The following TMEM141 variants were observed in gnomAD, a reference collection of about 807,000 sequenced individuals.
The protein encoded by TMEM141 is transmembrane protein 141.
A neutral mutation model predicts 15.9 loss-of-function variants in TMEM141; 18 were observed. That is an observed-to-expected ratio of 1.13 (90% CI 0.78 to 1.68). The LOEUF (loss-of-function observed/expected upper bound fraction) is 1.68, where lower values mean the gene tolerates loss of function less well. TMEM141 is among the 40% of genes most tolerant of loss of function. The pLI is 0.00. For synonymous variants in TMEM141, 69 were observed against 54.0 expected, an observed-to-expected ratio of 1.28 and a Z score of -1.22; for missense variants, 161 against 139.5, an observed-to-expected ratio of 1.15 and a Z score of -0.78.
chr9:136,791,394 G>A lies in TMEM141; in HGVS notation c.24G>A (p.Arg8=). Residue 8 remains arginine, a synonymous_variant, in exon 1 of 5, where the codon CGG becomes CGA. Transcript: ENST00000290079. The part of the protein sequence containing the change: MVNLGLS[R]VDDAVAAKHP... Reference sequence around the variant, plus strand: ...CCATGGTGAACTTGGGTCTGTCCCGGGTGGACGACGCCGTGGCTGCCAAGC... The same window carrying A: ...CCATGGTGAACTTGGGTCTGTCCCGAGTGGACGACGCCGTGGCTGCCAAGC... 1.3e-6 allele frequency: 2 copies of A among 1,560,678 alleles called. No homozygotes were observed. The highest frequency in any genetic ancestry group is 1.7e-6 in the Non-Finnish European group (2 of 1,152,746).
chr9:136,793,126 C>T lies in TMEM141; in HGVS notation c.*294C>T. 3.8e-6 allele frequency: 1 copy of T among 261,092 alleles called. No individual in the cohort carries two copies. The highest frequency in any genetic ancestry group is 7.2e-6 in the Non-Finnish European group (1 of 138,678). The allele number at this position is 261,092 out of a possible 1,614,324, so 16.2% of individuals were successfully genotyped here. ...GAGAGGGTGTGTCTGGGGGCCACCA[C>T]CTATGGGACACGGGGTCGAAGGGGC... On this transcript the variant is annotated 3_prime_UTR_variant, in exon 5 of 5. Transcript: ENST00000290079.
In TMEM141 at chr9:136,793,130, T is replaced by G. The variant is rs1310812397; in HGVS notation, c.*298T>G. On this transcript the variant is annotated 3_prime_UTR_variant, in exon 5 of 5. Coordinates refer to ENST00000290079, the MANE Select transcript of TMEM141 (RefSeq NM_032928.4). ...GGGTGTGTCTGGGGGCCACCACCTA[T>G]GGGACACGGGGTCGAAGGGGCCTGT... 2 of 252,648 alleles carry G rather than the reference T, an allele frequency of 7.9e-6. No homozygotes were observed. The highest frequency in any genetic ancestry group is 1.5e-5 in the Non-Finnish European group (2 of 133,134). 15.7% of individuals were successfully genotyped at this position (252,648 alleles called of 1,614,324 possible).
In TMEM141 at chr9:136,791,711, G is replaced by A. The variant is rs777091059; in HGVS notation, c.55G>A (p.Gly19Arg). ...VDDAVAAKHP[G>R]LGEYAACQSH... ...CCTTCACCCGCCTCTGCCACCCCAG[G>A]GACTCGGGGAGTATGCCGCATGCCA... Residue 19 changes from glycine (G) to arginine (R), a missense_variant and splice_region_variant, in exon 2 of 5, where the codon GGA becomes AGA. By Grantham distance (125) the Gly-to-Arg change is moderately radical. Coordinates refer to ENST00000290079, the MANE Select transcript of TMEM141 (RefSeq NM_032928.4). 1 of 1,613,096 alleles carries A rather than the reference G, an allele frequency of 6.2e-7. No individual in the cohort carries two copies. Among genetic ancestry groups the A allele is most frequent in the South Asian group, 1.1e-5 (1 of 91,070 alleles).
chr9:136,791,599 A>G (rs1847590431), intron 1 of TMEM141, 112 bp from the exon 2 acceptor site: 5 of 1,568,206 alleles, frequency 3.2e-6, no homozygotes, highest in East Asian at 4.5e-5. Flanking sequence ...GACGTGTCCA[A>G]GCGCCCAGGG....
At chr9:136,792,444 C>T (rs1422161961) in intron 4 of TMEM141, 86 bp downstream of exon 4, 11 of 1,124,328 alleles carry the variant, frequency 9.8e-6, no homozygotes, top group South Asian at 8.3e-5. Flanking sequence ...GTGCACCATG[C>T]GATAGGCTAG....
chr9:136,791,495 C>T (rs1847589417), intron 1 of TMEM141, 71 bp downstream of exon 1: 1 of 1,546,362 alleles, frequency 6.5e-7, no homozygotes, highest in African/African-American at 1.4e-5. Context: ...GGGGCCGGGG[C>T]GTGGGGGTGC....
chr9:136,791,446 G>T, intron 1 of TMEM141, 22 bp downstream of exon 1: 1 of 1,551,912 alleles, frequency 6.4e-7, no homozygotes, highest in Non-Finnish European at 8.7e-7. Flanking sequence ...GGTCTGGGAC[G>T]CGGGCCTCAA....
At chr9:136,791,502 G>C (rs1317564423) in intron 1 of TMEM141, 78 bp downstream of exon 1, 23 of 1,546,914 alleles carry the variant, frequency 1.5e-5, no homozygotes, top group Non-Finnish European at 1.9e-5. Flanking sequence ...GGGCGTGGGG[G>C]TGCCCTCGTC....
At position 136,791,773 on chromosome 9, in the gene TMEM141, C is replaced by T; in HGVS notation, c.117C>T (p.Val39=). ...HAFMKGVFTF[V]TGTGMAFGLQ... is the part of the protein sequence containing the mutation. The stretch of plus-strand genomic sequence containing the variant: ...TCATGAAGGGCGTTTTCACCTTCGT[C>T]ACAGGTAGGCTGCGTCCAGGTGTCC... Residue 39 remains valine (V), a synonymous_variant, in exon 2 of 5, where the codon GTC becomes GTT. Transcript: ENST00000290079. 1.9e-6 allele frequency: 3 copies of T among 1,613,298 alleles called. No individual in the cohort carries two copies. The highest frequency in any genetic ancestry group is 2.5e-6 in the Non-Finnish European group (3 of 1,179,890).
Position 136,792,900 on chromosome 9 carries a change from T to C in TMEM141, c.*68T>C. Reference sequence around the variant, plus strand: ...TCTGGAACACAGCCTTCATGCCCCCTGACCCCAGGCCGACCCTCCCCACAC... The same window carrying C: ...TCTGGAACACAGCCTTCATGCCCCCCGACCCCAGGCCGACCCTCCCCACAC... On this transcript the variant is annotated 3_prime_UTR_variant, in exon 5 of 5. Coordinates refer to ENST00000290079, the MANE Select transcript of TMEM141 (RefSeq NM_032928.4). 2.1e-6 allele frequency: 3 copies of C among 1,449,122 alleles called. No homozygotes were observed. The highest frequency in any genetic ancestry group is 5.1e-5 in the East Asian group (2 of 39,388). The allele number at this position is 1,449,122 out of a possible 1,614,324, so 89.8% of individuals were successfully genotyped here. A position where few individuals can be genotyped will look rare whatever the true frequency, so the allele number is the denominator to read the frequency against.
chr9:136,791,461 CAGA>C (rs1847589040), intron 1 of TMEM141, 37 bp downstream of exon 1: 1 of 1,551,276 alleles, frequency 6.4e-7, no homozygotes, highest in South Asian at 1.2e-5. Context: ...CCTCAAACCC[CAGA>C]AGCTGACCTG....
chr9:136,792,624 G>A (rs1268705696), intron 4 of TMEM141, among the ~76,000 whole-genome samples, 195 bp from the exon 5 acceptor site: 1 of 152,194 alleles, frequency 6.6e-6, no homozygotes, highest in Non-Finnish European at 1.5e-5. Context: ...TGAAGGGTGT[G>A]GCAAGGCCAC....
chr9:136,792,852 C>T lies in TMEM141; in HGVS notation c.*20C>T, dbSNP rs769255496. On this transcript the variant is annotated 3_prime_UTR_variant, in exon 5 of 5. Transcript: ENST00000290079. Reference sequence around the variant, plus strand: ...AGCTAGGAGAGCTCCAGCAGGGGCACAGAGGATTGGGGGCAGGAGGAGTCT... The same window carrying T: ...AGCTAGGAGAGCTCCAGCAGGGGCATAGAGGATTGGGGGCAGGAGGAGTCT... 1.3e-6 allele frequency: 2 copies of T among 1,552,622 alleles called. No individual in the cohort carries two copies. The highest frequency in any genetic ancestry group is 1.7e-6 in the Non-Finnish European group (2 of 1,148,662).
Position 136,792,467 on chromosome 9 carries a change from C to T in TMEM141, c.313+109C>T. On this transcript the variant is annotated intron_variant, in intron 4 of 4. Transcript: ENST00000290079. Reference sequence around the variant, plus strand: ...TGCGATAGGCTAGACAAGGTCCCTCCCTCTGGCCCGGCCTCCTCAGCATGT... The same window carrying T: ...TGCGATAGGCTAGACAAGGTCCCTCTCTCTGGCCCGGCCTCCTCAGCATGT... 3 of 920,130 alleles carry T rather than the reference C, an allele frequency of 3.3e-6. No homozygotes were observed. The South Asian group carries it at 4.7e-5, about 14-fold the overall frequency. 57.0% of individuals were successfully genotyped at this position (920,130 alleles called of 1,614,324 possible).
At chr9:136,792,637 C>G (rs1044516947) in intron 4 of TMEM141, among the ~76,000 whole-genome samples, 182 bp from the exon 5 acceptor site, 4 of 152,214 alleles carry the variant, frequency 2.6e-5, no homozygotes, top group Admixed American at 1.3e-4. Flanking sequence ...AAGGCCACAG[C>G]AGCCACGTGG....
rs1423399335 is a variant in TMEM141 at position 136,791,359 on chromosome 9, G to T, written c.-12G>T. The stretch of plus-strand genomic sequence containing the variant: ...GCGCCTGCGCAGGCCCGCTCCCCGA[G>T]CCCTGCCAACCATGGTGAACTTGGG... On this transcript the variant is annotated 5_prime_UTR_variant, in exon 1 of 5. Transcript: ENST00000290079. The T allele has an allele frequency of 3.2e-6, 5 of 1,556,614 alleles. No homozygotes were observed.
chr9:136,792,183 C>T, intron 3 of TMEM141, 68 bp from the exon 4 acceptor site: 1 of 1,510,482 alleles, frequency 6.6e-7, no homozygotes, highest in Non-Finnish European at 9.0e-7. Context: ...CAGGAAGTAG[C>T]CTGTGCCCGG....
Position 136,791,983 on chromosome 9 carries a change from A to G in TMEM141, c.158A>G (p.Gln53Arg). Residue 53 changes from glutamine (Q) to arginine (R), a missense_variant, in exon 3 of 5, where the codon CAG becomes CGG. By Grantham distance (43) the Gln-to-Arg change is conservative. Transcript: ENST00000290079. ...GCCTTTGGCTTGCAGATGTTCATTC[A>G]GAGGAAGTTTCCATACCCTTTGCAG... is the stretch of plus-strand genomic sequence containing the variant. The part of the protein sequence containing the change: ...GMAFGLQMFI[Q>R]RKFPYPLQWS... 2 of 1,614,124 alleles carry G rather than the reference A, an allele frequency of 1.2e-6. No homozygotes were observed. The highest frequency in any genetic ancestry group is 1.3e-5 in the African/African-American group (1 of 75,046).
chr9:136,792,146 C>G (rs891891220), intron 3 of TMEM141, 105 bp from the exon 4 acceptor site: 15 of 1,490,678 alleles, frequency 1.0e-5, no homozygotes, highest in African/African-American at 5.6e-5. Flanking sequence ...GGCGGGAGCC[C>G]CACCTGAGCC....
Sources: allele counts gnomAD v4.1 joint callset (sites outside exome capture counted in the v4.1 genomes callset), GRCh38; gene constraint gnomAD v4.1.1; transcripts MANE v1.5; gene names NCBI Gene and HGNC (gene_info 2026-07-23, HGNC 2026-07-21).